CDC27: variants seen among roughly 807,000 people sequenced by gnomAD.
The protein encoded by CDC27 is cell division cycle 27.
CDC27 carries 27 observed loss-of-function variants against 109.7 expected under a neutral mutation model. The ratio of observed to expected loss-of-function variants is 0.25; its 90% CI spans 0.18 to 0.34. CDC27 has a LOEUF of 0.34. Among genes scored for constraint, CDC27 ranks in the 10% least tolerant of loss-of-function variants. The probability of loss-of-function intolerance (pLI) is 1.00; values close to 1 mark genes in which losing one functional copy is unlikely to be tolerated. For synonymous variants in CDC27, 266 were observed against 333.9 expected (o/e 0.80, Z 2.22); for missense variants, 579 against 960.2 (o/e 0.60, Z 5.25).
At chr17:47,173,987 C>T (rs902251529) in intron 2 of CDC27, among the ~76,000 whole-genome samples, 7 of 152,268 alleles carry the variant, frequency 4.6e-5, no homozygotes, top group Non-Finnish European at 8.8e-5. Context: ...CCAGCTACTC[C>T]GGAGGCTGAG....
chr17:47,148,495 G>T (rs2063049579), intron 9 of CDC27, among the ~76,000 whole-genome samples: 1 of 152,036 alleles, frequency 6.6e-6, no homozygotes, highest in Non-Finnish European at 1.5e-5. Flanking sequence ...GTAAGACATG[G>T]ACATAATATT....
rs1327645979 is a variant in CDC27, at chr17:47,181,594, G to A, written c.71C>T (p.Ala24Val). ...ATAAAGGCGTTCTGCGAGGAAAACC[G>A]CATCTCGGTAAGCATAGTGGTTTAG... is the stretch of plus-strand genomic sequence containing the variant. ...QALNHYAYRDAVFLAERLYAE... is the reference protein window; with the variant it reads ...QALNHYAYRDVVFLAERLYAE... The change falls in exon 2 of 19, where the codon GCG becomes GTG. Residue 24 changes from alanine to valine, a missense_variant. By Grantham distance (64) the Ala-to-Val change is moderately conservative (BLOSUM62 0). Coordinates refer to ENST00000066544, the MANE Select transcript of CDC27 (RefSeq NM_001256.6). 1 of 1,607,156 alleles carries A rather than the reference G, an allele frequency of 6.2e-7. No homozygotes were observed. Among genetic ancestry groups the A allele is most frequent in the Non-Finnish European group, 8.5e-7 (1 of 1,174,882 alleles).
At chr17:47,187,716 AT>A (rs1413737368) in intron 1 of CDC27, among the ~76,000 whole-genome samples, 1 of 151,864 alleles carries the variant, frequency 6.6e-6, no homozygotes, top group African/African-American at 2.4e-5. Flanking sequence ...AAAAAAAAAA[AT>A]CATTAACTAT....
intron 4 of CDC27, among the ~76,000 whole-genome samples, chr17:47,165,280 T>G (rs1002567449): frequency 1.3e-5 from 2 of 152,218 alleles, no homozygotes; most frequent in African/African-American, 4.8e-5. Flanking sequence ...AACTCCTGTG[T>G]AAAATATCAC....
chr17:47,131,452 C>G (rs2062329357), intron 15 of CDC27, among the ~76,000 whole-genome samples: 1 of 151,830 alleles, frequency 6.6e-6, no homozygotes, highest in Admixed American at 6.6e-5. Flanking sequence ...AGTGACATTT[C>G]AAACTAACAA....
At chr17:47,137,437 A>C in intron 13 of CDC27, 77 bp from the exon 14 acceptor site, 2 of 800,686 alleles carry the variant, frequency 2.5e-6, no homozygotes, top group Non-Finnish European at 3.7e-6. Context: ...ACTAAAATCA[A>C]GCCTCAACTT....
At chr17:47,186,512 C>T (rs2064442900) in intron 1 of CDC27, among the ~76,000 whole-genome samples, 2 of 152,146 alleles carry the variant, frequency 1.3e-5, no homozygotes, top group Non-Finnish European at 2.9e-5. Context: ...TTTTTAAAAA[C>T]CAATTTCACC....
At chr17:47,151,771 GC>G (rs1178486742) in intron 9 of CDC27, 34 bp downstream of exon 9, 2 of 1,473,744 alleles carry the variant, frequency 1.4e-6, no homozygotes, top group African/African-American at 2.8e-5. Flanking sequence ...CAAGTTTTAT[GC>G]CAAGAAAAGT....
intron 7 of CDC27, among the ~76,000 whole-genome samples, chr17:47,155,801 A>C (rs544316520): frequency 6.6e-6 from 1 of 152,176 alleles, no homozygotes; most frequent in African/African-American, 2.4e-5. Context: ...AACACTTAAA[A>C]AATTAGCCAG....
chr17:47,175,094 G>T lies in CDC27; in HGVS notation c.104-3030C>A, dbSNP rs750065794. Among the ~76,000 whole-genome samples, 493 of 94,138 alleles carry T rather than the reference G, an allele frequency of 5.2e-3. 1 individual carries two copies. The highest frequency in any genetic ancestry group is 0.021 in the South Asian group (61 of 2,930). The allele number at this position is 94,138 out of a possible 152,430, so 61.8% of individuals were successfully genotyped here. On this transcript the variant is annotated intron_variant, in intron 2 of 18. Transcript: ENST00000066544. Reference sequence around the variant, plus strand: ...GGAAGGAAGGAAGGAAGGAAGGAAGGAAGTAAGTTGTAGCAGCACTACTGA... The same window carrying T: ...GGAAGGAAGGAAGGAAGGAAGGAAGTAAGTAAGTTGTAGCAGCACTACTGA...
intron 16 of CDC27, 36 bp from the exon 17 acceptor site, chr17:47,123,996 A>G: frequency 6.8e-7 from 1 of 1,473,678 alleles, no homozygotes; most frequent in Non-Finnish European, 9.2e-7. Context: ...AAGTAGCAAA[A>G]ATTTTTAAAG....
chr17:47,131,457 T>A (rs1005397443), intron 15 of CDC27, among the ~76,000 whole-genome samples: 1 of 151,882 alleles, frequency 6.6e-6, no homozygotes. Context: ...CATTTCAAAC[T>A]AACAATTTCC....
intron 1 of CDC27, among the ~76,000 whole-genome samples, chr17:47,186,754 T>A (rs1359364930): frequency 6.7e-6 from 1 of 150,278 alleles, no homozygotes; most frequent in Non-Finnish European, 1.5e-5. Context: ...ACATTAAAAC[T>A]TTAAAGAAAA....
chr17:47,132,501 G>C, intron 14 of CDC27, 127 bp from the exon 15 acceptor site: 1 of 410,520 alleles, frequency 2.4e-6, no homozygotes. Flanking sequence ...GGTGGTCTTA[G>C]AGGAGAGGCA....
intron 16 of CDC27, among the ~76,000 whole-genome samples, chr17:47,126,550 T>C (rs147669982): frequency 1.8e-4 from 27 of 152,248 alleles, no homozygotes; most frequent in African/African-American, 6.3e-4. Context: ...ACTATATATA[T>C]CATAGTCCAG....
At position 47,117,993 on chromosome 17, in the gene CDC27, G is replaced by T. The variant is rs1345420702; in HGVS notation, c.*2942C>A. ...GAATTGCAAATATATTAACAGAAAA[G>T]ACTTTCCCCCTCAACACTGTACAAT... On this transcript the variant is annotated 3_prime_UTR_variant, in exon 19 of 19. Coordinates refer to ENST00000066544, the MANE Select transcript of CDC27 (RefSeq NM_001256.6). 1.3e-5 allele frequency: 2 copies of T among 152,090 alleles called. No homozygotes were observed. The highest frequency in any genetic ancestry group is 4.8e-5 in the African/African-American group (2 of 41,404). 9.4% of individuals were successfully genotyped at this position (152,090 alleles called of 1,614,324 possible).
At chr17:47,132,148 A>G (rs150337028) in intron 15 of CDC27, 109 bp downstream of exon 15, 2 of 619,822 alleles carry the variant, frequency 3.2e-6, no homozygotes, top group South Asian at 2.4e-5. Context: ...GCTCCAGAAT[A>G]CTGTTTCAAC....
chr17:47,125,577 T>G (rs923140145), intron 16 of CDC27, among the ~76,000 whole-genome samples: 3 of 144,490 alleles, frequency 2.1e-5, no homozygotes, highest in Non-Finnish European at 4.5e-5. Context: ...TTCCCTGAGA[T>G]GGAGTTTTGC....
intron 2 of CDC27, among the ~76,000 whole-genome samples, chr17:47,178,526 C>T: frequency 8.3e-6 from 1 of 120,446 alleles, no homozygotes; most frequent in East Asian, 2.4e-4. Context: ...CAGGCTATCT[C>T]AAAAATAAAT....
Sources: gnomAD v4.1 joint callset for allele counts (sites outside exome capture counted in the v4.1 genomes callset) on GRCh38, gnomAD v4.1.1 for gene constraint, MANE v1.5 for transcripts, NCBI Gene and HGNC (gene_info 2026-07-23, HGNC 2026-07-21) for gene names.